ZDHHC21: variants seen among roughly 807,000 people sequenced by gnomAD.
ZDHHC21 encodes the protein zDHHC palmitoyltransferase 21.
ZDHHC21 carries 15 observed loss-of-function variants against 34.6 expected under a neutral mutation model. The observed-to-expected ratio is 0.43, with a 90% confidence interval of 0.29 to 0.67. The LOEUF (loss-of-function observed/expected upper bound fraction) is 0.67. Ranked by LOEUF, ZDHHC21 falls within the 30% of genes least tolerant of loss-of-function variation. The probability of loss-of-function intolerance (pLI) is 0.14; values close to 1 mark genes in which losing one functional copy is unlikely to be tolerated. For missense variants in ZDHHC21, 344 were observed against 327.7 expected (o/e 1.05, Z -0.38); for synonymous variants, 142 against 101.8 (o/e 1.40, Z -2.38).
At position 14,618,933 on chromosome 9, in the gene ZDHHC21, T is replaced by C; in HGVS notation, c.*33A>G. 6.4e-7 allele frequency: 1 copy of C among 1,551,960 alleles called. No individual in the cohort carries two copies. Among genetic ancestry groups the C allele is most frequent in the African/African-American group, 1.4e-5 (1 of 72,516 alleles). On this transcript the variant is annotated 3_prime_UTR_variant, in exon 10 of 10. Transcript: ENST00000380916. ...TAAAACCTGTAACGCATTGCCAGCATGGAGGACCCATCTGTGCCCACCATC... is the reference window on the plus strand; with the variant it reads ...TAAAACCTGTAACGCATTGCCAGCACGGAGGACCCATCTGTGCCCACCATC...
chr9:14,598,709 T>G, the ZDHHC21 span, among the ~76,000 whole-genome samples: 3 of 152,114 alleles, frequency 2.0e-5, no homozygotes, highest in African/African-American at 2.4e-5. Context: ...AAGCAATTCA[T>G]GATCTGAATG....
intron 8 of ZDHHC21, among the ~76,000 whole-genome samples, chr9:14,626,588 T>A (rs565897386): frequency 4.6e-5 from 7 of 151,940 alleles, no homozygotes; most frequent in African/African-American, 1.7e-4. Flanking sequence ...CATAGGAACA[T>A]GCATATGCTA....
Position 14,612,719 on chromosome 9 carries a change from C to T in ZDHHC21, c.*6247G>A, listed in dbSNP as rs1463604359. On this transcript the variant is annotated 3_prime_UTR_variant, in exon 10 of 10. Coordinates refer to ENST00000380916, the MANE Select transcript of ZDHHC21 (RefSeq NM_178566.6). ...CTCTCTCTCTGTCTGTCTGTCTCTCCGTATCTCTCTCTCTATATATCTACA... is the reference window on the plus strand; with the variant it reads ...CTCTCTCTCTGTCTGTCTGTCTCTCTGTATCTCTCTCTCTATATATCTACA... 6.6e-6 allele frequency: 1 copy of T among 150,428 alleles called. No individual in the cohort carries two copies. Among genetic ancestry groups the T allele is most frequent in the Non-Finnish European group, 1.5e-5 (1 of 67,278 alleles). 9.3% of individuals were successfully genotyped at this position (150,428 alleles called of 1,614,324 possible). A position where few individuals can be genotyped will look rare whatever the true frequency, so the allele number is the denominator to read the frequency against.
downstream of ZDHHC21, among the ~76,000 whole-genome samples, chr9:14,606,078 G>C (rs1400408940): frequency 1.3e-5 from 2 of 152,128 alleles, no homozygotes; most frequent in Non-Finnish European, 2.9e-5. Context: ...AAACCCAGAA[G>C]TCATAATAAA....
chr9:14,670,039 C>G (rs10810210), intron 5 of ZDHHC21, among the ~76,000 whole-genome samples: 24,875 of 151,282 alleles, frequency 0.16, 2,208 homozygotes, highest in South Asian at 0.35. Flanking sequence ...ACAAAACAAA[C>G]AAACAAAAAA....
At chr9:14,601,598 A>G in the ZDHHC21 span, among the ~76,000 whole-genome samples, 1 of 152,344 alleles carries the variant, frequency 6.6e-6, no homozygotes, top group South Asian at 2.1e-4. Context: ...CAATTCCTCA[A>G]GGATCTATAA....
intron 6 of ZDHHC21, among the ~76,000 whole-genome samples, chr9:14,659,327 A>C (rs1832934051): frequency 6.6e-6 from 1 of 152,210 alleles, no homozygotes; most frequent in Non-Finnish European, 1.5e-5. Context: ...CCTGAAGTAA[A>C]CCAGCTGAAA....
downstream of ZDHHC21, among the ~76,000 whole-genome samples, chr9:14,609,009 G>A (rs190564177): frequency 5.3e-5 from 8 of 152,158 alleles, no homozygotes; most frequent in East Asian, 3.9e-4. Flanking sequence ...AGCAGTGGAC[G>A]TTTCTTCTCA....
intron 7 of ZDHHC21, among the ~76,000 whole-genome samples, chr9:14,645,244 C>A (rs1381108522): frequency 6.6e-6 from 1 of 151,902 alleles, no homozygotes; most frequent in Non-Finnish European, 1.5e-5. Flanking sequence ...GTGGTATTGT[C>A]TCTCCACAAG....
At chr9:14,690,243 G>T in intron 2 of ZDHHC21, 94 bp downstream of exon 2, 1 of 415,452 alleles carries the variant, frequency 2.4e-6, no homozygotes, top group Non-Finnish European at 4.7e-6. Flanking sequence ...GGGGGTTGGG[G>T]GTAGAAGACT....
At chr9:14,638,565 T>C (rs923230889) in intron 8 of ZDHHC21, among the ~76,000 whole-genome samples, 7 of 151,640 alleles carry the variant, frequency 4.6e-5, no homozygotes, top group Non-Finnish European at 1.0e-4. Context: ...AAAAGCTGTA[T>C]AGTAAACAAT....
At chr9:14,605,866 C>A in the ZDHHC21 span, among the ~76,000 whole-genome samples, 1 of 151,796 alleles carries the variant, frequency 6.6e-6, no homozygotes, top group Non-Finnish European at 1.5e-5. Context: ...TCTCACTATA[C>A]AATATTACAG....
At chr9:14,634,323 C>T (rs1827887579) in intron 8 of ZDHHC21, among the ~76,000 whole-genome samples, 1 of 152,226 alleles carries the variant, frequency 6.6e-6, no homozygotes, top group Non-Finnish European at 1.5e-5. Flanking sequence ...TTCCCAGGAC[C>T]CGAGAACCTG....
intron 1 of ZDHHC21, among the ~76,000 whole-genome samples, chr9:14,691,210 A>G (rs533432845): frequency 2.0e-5 from 3 of 152,126 alleles, no homozygotes; most frequent in African/African-American, 7.2e-5. Flanking sequence ...CCACTATATA[A>G]TAAGACTAGC....
chr9:14,642,997 G>C (rs898977281), intron 7 of ZDHHC21, among the ~76,000 whole-genome samples: 2 of 152,178 alleles, frequency 1.3e-5, no homozygotes, highest in African/African-American at 4.8e-5. Flanking sequence ...CCAGCACTTT[G>C]GGAGGCCAAG....
At chr9:14,643,470 A>G (rs954917623) in intron 7 of ZDHHC21, among the ~76,000 whole-genome samples, 2 of 152,128 alleles carry the variant, frequency 1.3e-5, no homozygotes, top group African/African-American at 2.4e-5. Flanking sequence ...CTCTGAAACT[A>G]CCCTATTCAC....
At chr9:14,691,615 G>A (rs968661992) in intron 1 of ZDHHC21, among the ~76,000 whole-genome samples, 3 of 152,096 alleles carry the variant, frequency 2.0e-5, no homozygotes, top group Non-Finnish European at 4.4e-5. Flanking sequence ...GTACCTCGTA[G>A]GCAAAAGTGA....
chr9:14,687,734 C>G (rs918843834), intron 2 of ZDHHC21, among the ~76,000 whole-genome samples: 1 of 150,792 alleles, frequency 6.6e-6, no homozygotes, highest in Non-Finnish European at 1.5e-5. Flanking sequence ...AAAATTGGAA[C>G]AACAAAACAA....
At chr9:14,665,224 G>A (rs546877952) in intron 5 of ZDHHC21, among the ~76,000 whole-genome samples, 3,438 of 134,508 alleles carry the variant, frequency 0.026, 139 homozygotes, top group African/African-American at 0.094. Flanking sequence ...GAGCCGATGC[G>A]ATCAACTGGA....
Sources: allele counts gnomAD v4.1 joint callset (sites outside exome capture counted in the v4.1 genomes callset), GRCh38; gene constraint gnomAD v4.1.1; transcripts MANE v1.5; gene names NCBI Gene and HGNC (gene_info 2026-07-23, HGNC 2026-07-21).